Variants in PRUNE2 observed in about 807,000 individuals in gnomAD.
PRUNE2 encodes the protein protein prune homolog 2.
PRUNE2 carries 164 observed loss-of-function variants against 252.0 expected under a neutral mutation model. The observed-to-expected ratio is 0.65, with a 90% confidence interval of 0.57 to 0.74. The LOEUF (loss-of-function observed/expected upper bound fraction) is 0.74. Ranked by LOEUF, PRUNE2 falls within the 30% of genes least tolerant of loss-of-function variation. The pLI is 0.00. For missense variants in PRUNE2, 3,495 were observed against 3,711.0 expected (o/e 0.94, Z 1.51); for synonymous variants, 1,292 against 1,350.2 (o/e 0.96, Z 0.94).
intron 15 of PRUNE2, among the ~76,000 whole-genome samples, chr9:76,635,965 G>A (rs1475791887): frequency 6.6e-6 from 1 of 152,128 alleles, no homozygotes; most frequent in African/African-American, 2.4e-5. Flanking sequence ...CTCCTCAGGG[G>A]TGATCAAAAC....
At chr9:76,772,853 C>G (rs2053269132) in intron 6 of PRUNE2, among the ~76,000 whole-genome samples, 1 of 152,218 alleles carries the variant, frequency 6.6e-6, no homozygotes, top group African/African-American at 2.4e-5. Context: ...GCATGAGCCA[C>G]TGTACCCAGC....
Position 76,846,693 on chromosome 9 carries a change from G to A in PRUNE2, c.345-15C>T. ...TTTTGTCTTCACTGTAAAGCAAATG[G>A]AGGGGAGGAAGAGAAAGGGATATGG... On this transcript the variant is annotated splice_polypyrimidine_tract_variant and intron_variant, in intron 3 of 18. Transcript: ENST00000376718. 6.2e-7 allele frequency: 1 copy of A among 1,608,450 alleles called. No individual in the cohort carries two copies. Among genetic ancestry groups the A allele is most frequent in the East Asian group, 2.2e-5 (1 of 44,820 alleles).
chr9:76,888,791 C>A (rs1372922462), intron 1 of PRUNE2, among the ~76,000 whole-genome samples: 3 of 151,978 alleles, frequency 2.0e-5, no homozygotes, highest in Admixed American at 6.6e-5. Context: ...TAAAAGACTG[C>A]CAGTTCCTTC....
intron 11 of PRUNE2, among the ~76,000 whole-genome samples, chr9:76,645,644 A>T (rs1230010013): frequency 5.5e-5 from 8 of 145,694 alleles, no homozygotes; most frequent in Non-Finnish European, 1.1e-4. Context: ...TTGTGCATTT[A>T]AAAAAAAAAA....
intron 6 of PRUNE2, among the ~76,000 whole-genome samples, chr9:76,820,671 G>C (rs959002610): frequency 5.9e-5 from 9 of 152,128 alleles, no homozygotes; most frequent in Non-Finnish European, 1.5e-5. Context: ...AACAGCTAAC[G>C]ACTTTGCAAA....
intron 16 of PRUNE2, chr9:76,625,160 C>G (rs1834135868): frequency 1.4e-6 from 1 of 727,530 alleles, no homozygotes; most frequent in Middle Eastern, 4.2e-4. Context: ...AGAGAAAATG[C>G]CTATCCAGAT....
In PRUNE2 at chr9:76,703,599, G is replaced by A. The variant is rs1163542680; in HGVS notation, c.8014C>T (p.Pro2672Ser). ...ATTTCTTCCAGAATCTGCAGCTGGG[G>A]ACCCTCACCCAAGCCGAGTTCAGAG... ...PFSELGLGEG[P>S]QLQILEEMKP... The change falls in exon 9 of 19, where the codon CCC becomes TCC. Residue 2672 changes from proline to serine, a missense_variant. Transcript: ENST00000376718. 5.0e-6 allele frequency: 8 copies of A among 1,613,144 alleles called. No homozygotes were observed. In the African/African-American group the frequency reaches 9.3e-5, roughly 19 times the overall value.
intron 8 of PRUNE2, 144 bp downstream of exon 8, chr9:76,704,617 A>C (rs2046173608): frequency 1.9e-5 from 12 of 627,878 alleles, no homozygotes; most frequent in Admixed American, 3.0e-5. Flanking sequence ...TGCTGTTATA[A>C]TACAGGACTT....
intron 6 of PRUNE2, among the ~76,000 whole-genome samples, chr9:76,750,770 C>T (rs943274057): frequency 1.3e-5 from 2 of 152,096 alleles, no homozygotes; most frequent in African/African-American, 4.8e-5. Context: ...GAGTTTGAGG[C>T]GCTTGTATGA....
chr9:76,703,248 T>C, intron 9 of PRUNE2, 89 bp downstream of exon 9: 2 of 1,168,112 alleles, frequency 1.7e-6, no homozygotes, highest in Non-Finnish European at 2.4e-6. Context: ...CATCCAGGTA[T>C]TCCTCATATT....
intron 6 of PRUNE2, among the ~76,000 whole-genome samples, chr9:76,761,977 T>C (rs927635513): frequency 2.6e-5 from 4 of 152,198 alleles, no homozygotes; most frequent in Admixed American, 6.5e-5. Flanking sequence ...AACAACTGGG[T>C]CCGTCATATT....
intron 9 of PRUNE2, among the ~76,000 whole-genome samples, chr9:76,691,498 C>T (rs777397447): frequency 7.9e-5 from 12 of 152,110 alleles, no homozygotes; most frequent in Non-Finnish European, 1.5e-4. Flanking sequence ...TTTGAAAAGA[C>T]AAAGGGAACA....
At position 76,710,151 on chromosome 9, in the gene PRUNE2, A is replaced by T. The variant is rs1329728686; in HGVS notation, c.2123T>A (p.Leu708His). 6.2e-7 allele frequency: 1 copy of T among 1,613,854 alleles called. No individual in the cohort carries two copies. Among genetic ancestry groups the T allele is most frequent in the Non-Finnish European group, 8.5e-7 (1 of 1,179,850 alleles). ...ASDSVFQPKS[L>H]EFTKSGPWES... is the part of the protein sequence containing the mutation. ...CCAGGGACCTGACTTTGTAAATTCG[A>T]GGCTCTTTGGTTGAAATACAGAATC... Residue 708 changes from leucine (L) to histidine (H), a missense_variant, in exon 8 of 19, where the codon CTC becomes CAC. Leu to His is a moderately conservative substitution (Grantham distance 99). Transcript: ENST00000376718.
intron 6 of PRUNE2, among the ~76,000 whole-genome samples, chr9:76,821,386 T>C (rs2058030907): frequency 6.6e-6 from 1 of 152,216 alleles, no homozygotes; most frequent in Non-Finnish European, 1.5e-5. Context: ...TGCTGAAATA[T>C]AATCAAATAT....
At chr9:76,903,755 CTT>C (rs2063320711) in intron 1 of PRUNE2, among the ~76,000 whole-genome samples, 1 of 151,748 alleles carries the variant, frequency 6.6e-6, no homozygotes, top group Non-Finnish European at 1.5e-5. Context: ...GCCTGGCTAA[CTT>C]TTGTACTTTT....
chr9:76,886,027 A>G (rs1193937193), intron 1 of PRUNE2, among the ~76,000 whole-genome samples: 1 of 151,828 alleles, frequency 6.6e-6, no homozygotes, highest in East Asian at 2.0e-4. Flanking sequence ...AAAATACAAA[A>G]AAAAAAAAAT....
chr9:76,857,796 G>A (rs1177087520), intron 1 of PRUNE2, among the ~76,000 whole-genome samples: 1 of 152,140 alleles, frequency 6.6e-6, no homozygotes, highest in Non-Finnish European at 1.5e-5. Context: ...AGAAAATTCT[G>A]AGGACTGATT....
intron 1 of PRUNE2, among the ~76,000 whole-genome samples, chr9:76,900,455 G>A: frequency 6.6e-6 from 1 of 152,158 alleles, no homozygotes; most frequent in East Asian, 1.9e-4. Flanking sequence ...GGCTCAGAAA[G>A]AAATGGATTT....
intron 6 of PRUNE2, among the ~76,000 whole-genome samples, chr9:76,762,980 C>T (rs896399401): frequency 2.6e-5 from 4 of 152,184 alleles, no homozygotes; most frequent in Non-Finnish European, 5.9e-5. Flanking sequence ...TGGCTCCAAC[C>T]TCATTGAATG....
Sources: allele counts gnomAD v4.1 joint callset (sites outside exome capture counted in the v4.1 genomes callset), GRCh38; gene constraint gnomAD v4.1.1; transcripts MANE v1.5; gene names NCBI Gene and HGNC (gene_info 2026-07-23, HGNC 2026-07-21).